Variants in NUP133 observed in about 807,000 individuals in gnomAD.
NUP133 encodes the protein nuclear pore complex protein Nup133.
NUP133 carries 66 observed loss-of-function variants against 146.2 expected under a neutral mutation model. The observed-to-expected ratio is 0.45, with a 90% CI of 0.37 to 0.55. The LOEUF is 0.55. Ranked by LOEUF, NUP133 falls within the 20% of genes least tolerant of loss-of-function variation. The pLI is 0.00. For synonymous variants in NUP133, 521 were observed against 498.8 expected, an observed-to-expected ratio of 1.04 and a Z score of -0.59; for missense variants, 1,277 against 1,374.8, an observed-to-expected ratio of 0.93 and a Z score of 1.12.
intron 20 of NUP133, among the ~76,000 whole-genome samples, chr1:229,459,338 C>T (rs1352032480): frequency 2.0e-5 from 3 of 152,276 alleles, no homozygotes; most frequent in Non-Finnish European, 4.4e-5. Context: ...GCCTGGGCAA[C>T]ACAGTGAGAC....
At chr1:229,456,978 C>T (rs1571910432) in intron 21 of NUP133, among the ~76,000 whole-genome samples, 1 of 152,046 alleles carries the variant, frequency 6.6e-6, no homozygotes, top group Non-Finnish European at 1.5e-5. Flanking sequence ...CAGGCGCACA[C>T]CACCACACCT....
chr1:229,484,371 T>G (rs1405830696), intron 11 of NUP133, among the ~76,000 whole-genome samples: 1 of 146,358 alleles, frequency 6.8e-6, no homozygotes, highest in African/African-American at 2.5e-5. Context: ...GCTGATGAGT[T>G]AAAAAAAAAA....
At chr1:229,499,123 C>T (rs1571939974) in intron 5 of NUP133, 4 of 462,460 alleles carry the variant, frequency 8.6e-6, no homozygotes, top group East Asian at 1.4e-4. Context: ...TAGTCTTGAA[C>T]TCCTGGCCTC....
chr1:229,459,276 A>C (rs1660639360), intron 20 of NUP133, among the ~76,000 whole-genome samples: 1 of 152,188 alleles, frequency 6.6e-6, no homozygotes, highest in Non-Finnish European at 1.5e-5. Context: ...TAATCCCAGA[A>C]CGTTGGGAGG....
chr1:229,490,688 T>C (rs951653685), intron 8 of NUP133, among the ~76,000 whole-genome samples: 2 of 152,110 alleles, frequency 1.3e-5, no homozygotes, highest in African/African-American at 4.8e-5. Context: ...TAGGGCCAGG[T>C]GCGGTGGCTC....
intron 14 of NUP133, among the ~76,000 whole-genome samples, chr1:229,475,078 G>C (rs1352135225): frequency 1.3e-5 from 2 of 151,732 alleles, no homozygotes; most frequent in Non-Finnish European, 2.9e-5. Context: ...CTCCAGACTG[G>C]GCAACAGAGT....
Position 229,473,493 on chromosome 1 carries a change from T to C in NUP133, c.1851+2145A>G, listed in dbSNP as rs188129558. On this transcript the variant is annotated intron_variant, in intron 14 of 25. Transcript: ENST00000261396. ...GAACCCAGGAAGGCTGAGACAAGAGTGCTCATGCTCTCATGGCTTTCGGGC... is the reference window on the plus strand; with the variant it reads ...GAACCCAGGAAGGCTGAGACAAGAGCGCTCATGCTCTCATGGCTTTCGGGC... 2.6e-5 allele frequency among the ~76,000 whole-genome samples: 4 copies of C among 151,968 alleles called. No homozygotes were observed. In the East Asian group the frequency reaches 7.7e-4, roughly 29 times the overall value.
At chr1:229,458,709 AC>A (rs1056047385) in intron 20 of NUP133, among the ~76,000 whole-genome samples, 1 of 146,700 alleles carries the variant, frequency 6.8e-6, no homozygotes, top group African/African-American at 2.6e-5. Context: ...ATGATGGACT[AC>A]ATTTTTTTTT....
intron 21 of NUP133, among the ~76,000 whole-genome samples, chr1:229,454,357 T>C (rs904420641): frequency 6.6e-6 from 1 of 152,150 alleles, no homozygotes; most frequent in Non-Finnish European, 1.5e-5. Context: ...ATACTTTCGC[T>C]CAAATACTGG....
intron 22 of NUP133, 125 bp downstream of exon 22, chr1:229,452,400 G>A (rs1660471276): frequency 1.6e-6 from 1 of 614,336 alleles, no homozygotes; most frequent in African/African-American, 1.9e-5. Flanking sequence ...GTTTTTCTAG[G>A]GGAGTTTTCT....
At chr1:229,451,868 T>G (rs1473661511) in intron 22 of NUP133, among the ~76,000 whole-genome samples, 1 of 152,224 alleles carries the variant, frequency 6.6e-6, no homozygotes, top group South Asian at 2.1e-4. Flanking sequence ...TGATACTCAA[T>G]AGTGAGTTAC....
At chr1:229,495,341 T>C (rs528873706) in intron 8 of NUP133, among the ~76,000 whole-genome samples, 154 bp downstream of exon 8, 185 of 152,306 alleles carry the variant, frequency 1.2e-3, no homozygotes, top group African/African-American at 4.3e-3. Flanking sequence ...CAGTGAGCTA[T>C]CATGGTGCCA....
At chr1:229,446,607 A>G (rs4925487) in intron 24 of NUP133, among the ~76,000 whole-genome samples, 39,683 of 151,196 alleles carry the variant, frequency 0.26, 6,583 homozygotes, top group African/African-American at 0.47. Flanking sequence ...GGTGGCAGGC[A>G]CCTGTAGTCC....
intron 21 of NUP133, among the ~76,000 whole-genome samples, chr1:229,453,587 G>A (rs768977414): frequency 1.1e-4 from 16 of 152,218 alleles, no homozygotes; most frequent in Non-Finnish European, 2.2e-4. Flanking sequence ...AAACAGAGAT[G>A]ATCAGAATCA....
chr1:229,448,840 T>C (rs916667040), intron 24 of NUP133: 20 of 416,762 alleles, frequency 4.8e-5, no homozygotes, highest in African/African-American at 3.4e-4. Flanking sequence ...AATTTATAGC[T>C]GGTCGGTGAG....
At position 229,478,913 on chromosome 1, in the gene NUP133, T is replaced by C. The variant is rs570483113; in HGVS notation, c.1593-1153A>G. Among the ~76,000 whole-genome samples the C allele has an allele frequency of 2.0e-4, 31 of 152,136 alleles. 1 individual carries two copies. The highest frequency in any genetic ancestry group is 7.0e-4 in the African/African-American group (29 of 41,492). ...CAGATCAGACAAGAGAAAAATCCAG[T>C]TAGGAGGTTACTGCAGAAAGGAAAA... On this transcript the variant is annotated intron_variant, in intron 12 of 25. Coordinates refer to ENST00000261396, the MANE Select transcript of NUP133 (RefSeq NM_018230.3).
At chr1:229,478,480 G>C (rs1661131395) in intron 12 of NUP133, among the ~76,000 whole-genome samples, 1 of 152,000 alleles carries the variant, frequency 6.6e-6, no homozygotes, top group South Asian at 2.1e-4. Context: ...GCTGCACACA[G>C]AACATACATC....
At chr1:229,465,668 G>A (rs1019492780) in intron 16 of NUP133, 149 bp from the exon 17 acceptor site, 5 of 669,490 alleles carry the variant, frequency 7.5e-6, no homozygotes, top group Non-Finnish European at 1.3e-5. Context: ...AGTGCTTTGG[G>A]AGGCTGAGGT....
chr1:229,497,875 A>T (rs558554897), intron 6 of NUP133, among the ~76,000 whole-genome samples: 1 of 152,326 alleles, frequency 6.6e-6, no homozygotes, highest in Admixed American at 6.5e-5. Context: ...AACACATTTT[A>T]TATTTTACAT....
Sources: allele counts gnomAD v4.1 joint callset (sites outside exome capture counted in the v4.1 genomes callset), GRCh38; gene constraint gnomAD v4.1.1; transcripts MANE v1.5; gene names NCBI Gene and HGNC (gene_info 2026-07-23, HGNC 2026-07-21).